STEAP4: variants seen among roughly 807,000 people sequenced by gnomAD.
The protein encoded by STEAP4 is metalloreductase STEAP4.
Under a neutral mutation model 43.6 loss-of-function variants are expected in STEAP4, and 36 were observed. That is an observed-to-expected ratio of 0.83 (90% CI 0.63 to 1.09). STEAP4 has a LOEUF of 1.09. STEAP4 is among the 50% of genes least tolerant of loss of function. STEAP4 has a pLI of 0.00. For missense variants in STEAP4, 495 were observed against 546.5 expected, an observed-to-expected ratio of 0.91 and a Z score of 0.94; for synonymous variants, 191 against 196.7, an observed-to-expected ratio of 0.97 and a Z score of 0.24.
At chr7:88,294,458 C>T (rs752162046) in intron 1 of STEAP4, among the ~76,000 whole-genome samples, 2 of 151,858 alleles carry the variant, frequency 1.3e-5, no homozygotes, top group African/African-American at 2.4e-5. Context: ...TTGTGGGATA[C>T]TCAACCTGTA....
rs754858697 is a variant in STEAP4 at position 88,283,002 on chromosome 7, G to A, written c.623C>T (p.Ala208Val). ...PMWRFPFYLS[A>V]VLCVFLFFYC... ...GAAAAACAAGAAGACACACAGCACAGCAGACAAATAGAAGGGGAACCTCCA... is the reference window on the plus strand; with the variant it reads ...GAAAAACAAGAAGACACACAGCACAACAGACAAATAGAAGGGGAACCTCCA... The change falls in exon 3 of 5, where the codon GCT (alanine) becomes GTT (valine). Residue 208 changes from alanine (A) to valine (V), a missense_variant. Physicochemically the swap from Ala to Val is moderately conservative, Grantham distance 64 (BLOSUM62 0). Transcript: ENST00000380079. 16 of 1,613,704 alleles carry A rather than the reference G, an allele frequency of 9.9e-6. No individual in the cohort carries two copies. The South Asian group carries it at 1.5e-4, about 16-fold the overall frequency.
Position 88,282,863 on chromosome 7 carries a change from C to G in STEAP4, c.762G>C (p.Leu254=), listed in dbSNP as rs756275696. Residue 254 remains leucine, a synonymous_variant, in exon 3 of 5, where the codon CTG becomes CTC. Transcript: ENST00000380079. Reference sequence around the variant, plus strand: ...CACCAGGGAGGTAAACCAAAGCAAGCAGTGTAAGTGCTGTTATTGGAAAGA... The same window carrying G: ...CACCAGGGAGGTAAACCAAAGCAAGGAGTGTAAGTGCTGTTATTGGAAAGA... ...NRIFPITALT[L]LALVYLPGVI... 1.9e-6 allele frequency: 3 copies of G among 1,613,976 alleles called. No individual in the cohort carries two copies. Among genetic ancestry groups the G allele is most frequent in the African/African-American group, 2.7e-5 (2 of 74,892 alleles).
rs1016960746 is a variant in STEAP4, at chr7:88,277,242, A to G, written c.*2156T>C. The G allele has an allele frequency of 6.6e-6, 1 of 152,316 alleles. No individual in the cohort carries two copies. The highest frequency in any genetic ancestry group is 1.9e-4 in the East Asian group (1 of 5,180). The allele number at this position is 152,316 out of a possible 1,614,324, so 9.4% of individuals were successfully genotyped here. ...AGCACCGTATACCATGACTCTACTC[A>G]ATGTCGTCCAACTTTTTGTATCCTT... On this transcript the variant is annotated 3_prime_UTR_variant, in exon 5 of 5. Transcript: ENST00000380079.
At chr7:88,298,032 A>G (rs1334633964) in intron 1 of STEAP4, among the ~76,000 whole-genome samples, 1 of 152,144 alleles carries the variant, frequency 6.6e-6, no homozygotes, top group Admixed American at 6.6e-5. Context: ...TGAAAAACAG[A>G]ATGTTTGCTT....
chr7:88,282,561 C>G, intron 3 of STEAP4, 80 bp downstream of exon 3: 5 of 1,317,726 alleles, frequency 3.8e-6, no homozygotes, highest in Non-Finnish European at 5.2e-6. Context: ...GAGTGACTTT[C>G]TATAATTATG....
chr7:88,301,710 G>A (rs888634501), intron 1 of STEAP4, among the ~76,000 whole-genome samples: 17 of 151,982 alleles, frequency 1.1e-4, no homozygotes, highest in South Asian at 2.1e-4. Context: ...CAGGTAGCAG[G>A]GACTACAGGT....
chr7:88,279,356 T>C lies in STEAP4; in HGVS notation c.*42A>G. On this transcript the variant is annotated 3_prime_UTR_variant, in exon 5 of 5. Coordinates refer to ENST00000380079, the MANE Select transcript of STEAP4 (RefSeq NM_024636.4). ...CCATAGTTCAGAAATCCAGCTAAAT[T>C]GAACTTTGTTTTAAATATTGATTTT... 1 of 1,580,212 alleles carries C rather than the reference T, an allele frequency of 6.3e-7. No individual in the cohort carries two copies. The highest frequency in any genetic ancestry group is 8.7e-7 in the Non-Finnish European group (1 of 1,151,106).
Position 88,279,581 on chromosome 7 carries a change from C to G in STEAP4, c.1197G>C (p.Leu399=), listed in dbSNP as rs770334797. ...TGAGGAATCTCTTCCCACCGTACAC[C>G]AGGGTGTGGGCTGTACACAAGATCA... ...LTLILCTAHT[L]VYGGKRFLSP... The change falls in exon 5 of 5, where the codon CTG becomes CTC. Residue 399 remains leucine (L), a synonymous_variant. Transcript: ENST00000380079. 7 of 1,613,808 alleles carry G rather than the reference C, an allele frequency of 4.3e-6. No individual in the cohort carries two copies. The African/African-American group carries it at 9.3e-5, about 22-fold the overall frequency.
chr7:88,280,336 C>T (rs1280904405), intron 4 of STEAP4, among the ~76,000 whole-genome samples: 1 of 152,196 alleles, frequency 6.6e-6, no homozygotes, highest in South Asian at 2.1e-4. Flanking sequence ...GTTTCTGATT[C>T]AGTAGGCCTG....
chr7:88,296,576 A>G (rs375975631), intron 1 of STEAP4, among the ~76,000 whole-genome samples: 4 of 152,172 alleles, frequency 2.6e-5, no homozygotes, highest in East Asian at 1.9e-4. Context: ...GCCGAAATCC[A>G]TCAATCAAAT....
intron 1 of STEAP4, among the ~76,000 whole-genome samples, chr7:88,292,011 A>G (rs945597927): frequency 2.0e-5 from 3 of 152,210 alleles, no homozygotes; most frequent in Non-Finnish European, 4.4e-5. Context: ...ATTAGCAATC[A>G]GTGACGCAGA....
chr7:88,282,380 C>A (rs984972267), intron 3 of STEAP4: 56 of 485,068 alleles, frequency 1.2e-4, no homozygotes, highest in Non-Finnish European at 1.8e-4. Flanking sequence ...ATCTCTTGAC[C>A]ACATGATTCA....
At chr7:88,285,027 T>C (rs1026760109) in intron 1 of STEAP4, among the ~76,000 whole-genome samples, 2 of 152,076 alleles carry the variant, frequency 1.3e-5, no homozygotes, top group South Asian at 4.1e-4. Flanking sequence ...CTAACATAAC[T>C]AGATCAGAGA....
At position 88,274,278 on chromosome 7, in the gene STEAP4, G is replaced by T. The variant is rs909408791; in HGVS notation, c.*5120C>A. 6.6e-5 allele frequency: 10 copies of T among 152,216 alleles called. No homozygotes were observed. Among genetic ancestry groups the T allele is most frequent in the African/African-American group, 2.4e-4 (10 of 41,452 alleles). The allele number at this position is 152,216 out of a possible 1,614,324, so 9.4% of individuals were successfully genotyped here. A position where few individuals can be genotyped will look rare whatever the true frequency, so the allele number is the denominator to read the frequency against. Reference sequence around the variant, plus strand: ...GTGAAATTGTTAGCATAGGCTTTACGCATGGCACTCTGCTGTAAGTATCAT... The same window carrying T: ...GTGAAATTGTTAGCATAGGCTTTACTCATGGCACTCTGCTGTAAGTATCAT... On this transcript the variant is annotated 3_prime_UTR_variant, in exon 5 of 5. Transcript: ENST00000380079.
At chr7:88,302,947 G>A (rs1388170188) in intron 1 of STEAP4, among the ~76,000 whole-genome samples, 2 of 91,276 alleles carry the variant, frequency 2.2e-5, no homozygotes, top group Non-Finnish European at 3.8e-5. Flanking sequence ...GAGTGAGACT[G>A]TCTCAAAAAA....
Position 88,277,549 on chromosome 7 carries a change from T to A in STEAP4, c.*1849A>T, listed in dbSNP as rs1410660335. The A allele has an allele frequency of 6.6e-6, 1 of 152,182 alleles. No individual in the cohort carries two copies. The highest frequency in any genetic ancestry group is 1.5e-5 in the Non-Finnish European group (1 of 68,032). 9.4% of individuals were successfully genotyped at this position (152,182 alleles called of 1,614,324 possible). A position where few individuals can be genotyped will look rare whatever the true frequency, so the allele number is the denominator to read the frequency against. On this transcript the variant is annotated 3_prime_UTR_variant, in exon 5 of 5. Transcript: ENST00000380079. ...AGGTTTGAAAAATGCCTATTTGATG[T>A]GATATTATGCAGCCATTAAGAAAAT... is the stretch of plus-strand genomic sequence containing the variant.
At chr7:88,301,528 C>T (rs542988913) in intron 1 of STEAP4, among the ~76,000 whole-genome samples, 63 of 152,304 alleles carry the variant, frequency 4.1e-4, no homozygotes, top group Non-Finnish European at 7.4e-4. Context: ...TCTCCTACCT[C>T]AGCCTCCTAA....
chr7:88,283,476 T>C (rs1035246948), intron 2 of STEAP4: 1 of 484,848 alleles, frequency 2.1e-6, no homozygotes, highest in Non-Finnish European at 3.6e-6. Context: ...TTATGAATGC[T>C]TCTAATCTCA....
intron 1 of STEAP4, among the ~76,000 whole-genome samples, chr7:88,295,633 T>C (rs1852912040): frequency 6.6e-6 from 1 of 152,194 alleles, no homozygotes; most frequent in African/African-American, 2.4e-5. Flanking sequence ...TAGAATCAGC[T>C]GAGGAGCCGT....
Sources: gnomAD v4.1 joint callset for allele counts (sites outside exome capture counted in the v4.1 genomes callset) on GRCh38, gnomAD v4.1.1 for gene constraint, MANE v1.5 for transcripts, NCBI Gene and HGNC (gene_info 2026-07-23, HGNC 2026-07-21) for gene names.